Variants in PRSS36 observed in about 807,000 individuals in gnomAD.
PRSS36 encodes polyserase-2.
A neutral mutation model predicts 94.3 loss-of-function variants in PRSS36; 90 were observed. That is an observed-to-expected ratio of 0.95 (90% CI 0.80 to 1.14). PRSS36 has a LOEUF of 1.14. PRSS36 is among the 50% of genes most tolerant of loss of function. The probability of loss-of-function intolerance (pLI) is 0.00; values close to 1 mark genes in which losing one functional copy is unlikely to be tolerated. For missense variants in PRSS36, 1,158 were observed against 1,135.0 expected, an observed-to-expected ratio of 1.02 and a Z score of -0.29; for synonymous variants, 500 against 489.6, an observed-to-expected ratio of 1.02 and a Z score of -0.28.
At position 31,143,394 on chromosome 16, in the gene PRSS36, C is replaced by G; in HGVS notation, c.1048G>C (p.Gly350Arg). The G allele has an allele frequency of 6.2e-7, 1 of 1,612,822 alleles. No individual in the cohort carries two copies. Among genetic ancestry groups the G allele is most frequent in the Non-Finnish European group, 8.5e-7 (1 of 1,179,612 alleles). The change falls in exon 8 of 15, where the codon GGG (glycine) becomes CGG (arginine). Residue 350 changes from glycine (G) to arginine (R), a missense_variant. By Grantham distance (125) the Gly-to-Arg change is moderately radical. Transcript: ENST00000268281. ...ACCCAGCTTTCAGACACCAGCGCCC[C>G]ATGGCAGGGTCTGGATCCTGGCACC... The part of the protein sequence containing the change: ...VMVPGSRPCH[G>R]ALVSESWVLA...
At position 31,141,905 on chromosome 16, in the gene PRSS36, C is replaced by G. The variant is rs1791888295; in HGVS notation, c.1577G>C (p.Gly526Ala). Reference protein sequence around the residue: ...CQEEGTWFLAGIRDFPSGCLR... With the variant: ...CQEEGTWFLAAIRDFPSGCLR... ...ACAGCCACTGGGAAAGTCTCTGATT[C>G]CAGCCAGAAACCAGGTCCCCTCCTC... The change falls in exon 11 of 15, where the codon GGA becomes GCA. Residue 526 changes from glycine (G) to alanine (A), a missense_variant. Gly to Ala is a moderately conservative substitution (Grantham distance 60, BLOSUM62 0). Coordinates refer to ENST00000268281, the MANE Select transcript of PRSS36 (RefSeq NM_173502.5). 2.5e-6 allele frequency: 4 copies of G among 1,614,174 alleles called. No homozygotes were observed. The highest frequency in any genetic ancestry group is 3.4e-6 in the Non-Finnish European group (4 of 1,180,026).
intron 7 of PRSS36, 31 bp from the exon 8 acceptor site, chr16:31,143,502 C>T (rs1326993226): frequency 1.2e-6 from 2 of 1,603,584 alleles, no homozygotes; most frequent in African/African-American, 1.3e-5. Context: ...GTCAGTGGGC[C>T]TCCTGCAACC....
Position 31,148,471 on chromosome 16 carries a change from GCAGA to G in PRSS36, c.473_476del (p.Val158AlafsTer40), listed in dbSNP as rs1388267792. The G allele has an allele frequency of 6.3e-7, 1 of 1,575,996 alleles. No homozygotes were observed. The highest frequency in any genetic ancestry group is 1.8e-5 in the Admixed American group (1 of 56,690). ...CGAAGCGGTGTGAGGCGCGGGGCAG[GCAGA>G]CAGGCCACACGGCGGGGCCCAGGCT... On this transcript the variant is annotated frameshift_variant, in exon 5 of 15. Coordinates refer to ENST00000268281, the MANE Select transcript of PRSS36 (RefSeq NM_173502.5). LOFTEE classifies it high-confidence loss of function.
At chr16:31,142,444 G>C (rs1390980415) in intron 10 of PRSS36, 37 bp downstream of exon 10, 3 of 1,409,878 alleles carry the variant, frequency 2.1e-6, no homozygotes, top group East Asian at 2.7e-5. Flanking sequence ...GAGCCCTCTC[G>C]GGCCCGCGTT....
chr16:31,143,391 C>A lies in PRSS36; in HGVS notation c.1051G>T (p.Ala351Ser). The change falls in exon 8 of 15, where the codon GCG becomes TCG. Residue 351 changes from alanine (A) to serine (S), a missense_variant. By Grantham distance (99) the Ala-to-Ser change is moderately conservative. Coordinates refer to ENST00000268281, the MANE Select transcript of PRSS36 (RefSeq NM_173502.5). ...AAGACCCAGCTTTCAGACACCAGCG[C>A]CCCATGGCAGGGTCTGGATCCTGGC... The part of the protein sequence containing the change: ...MVPGSRPCHG[A>S]LVSESWVLAP... 2 of 1,612,728 alleles carry A rather than the reference C, an allele frequency of 1.2e-6. No homozygotes were observed. The highest frequency in any genetic ancestry group is 1.7e-6 in the Non-Finnish European group (2 of 1,179,574).
chr16:31,143,664 G>C lies in PRSS36; in HGVS notation c.894C>G (p.Ala298=). ...GGGTCTTCTGGGGCTGGGTGGGAAA[G>C]GCAGGCCCAGGCTCTGAACCCATCA... ...EQVMGSEPGP[A]FPTQPQKTQS... is the part of the protein sequence containing the mutation. Residue 298 remains alanine (A), a synonymous_variant, in exon 7 of 15, where the codon GCC becomes GCG. Coordinates refer to ENST00000268281, the MANE Select transcript of PRSS36 (RefSeq NM_173502.5). 6.2e-7 allele frequency: 1 copy of C among 1,614,224 alleles called. No individual in the cohort carries two copies. Among genetic ancestry groups the C allele is most frequent in the Non-Finnish European group, 8.5e-7 (1 of 1,180,038 alleles).
chr16:31,140,825 G>A, intron 12 of PRSS36, 68 bp from the exon 13 acceptor site: 2 of 1,561,318 alleles, frequency 1.3e-6, no homozygotes, highest in African/African-American at 1.3e-5. Flanking sequence ...CCCAGCCCAG[G>A]GGAAGGATGA....
Position 31,142,509 on chromosome 16 carries a change from TG to T in PRSS36, c.1492del (p.Gln498ArgfsTer56). 1 of 1,497,316 alleles carries T rather than the reference TG, an allele frequency of 6.7e-7. No homozygotes were observed. Among genetic ancestry groups the T allele is most frequent in the Admixed American group, 2.2e-5 (1 of 44,750 alleles). 92.8% of individuals were successfully genotyped at this position (1,497,316 alleles called of 1,614,324 possible). On this transcript the variant is annotated frameshift_variant, in exon 10 of 15. Transcript: ENST00000268281. LOFTEE classifies it high-confidence loss of function. ...DPPHALCPAY[Q>X]EKEEVGSCWN... ...GCAGCTGCCCACCTCCTCCTTTTCC[TG>T]GTAGGCAGGGCAGAGCGCGTGCGGC...
intron 10 of PRSS36, 112 bp downstream of exon 10, chr16:31,142,369 G>A (rs533969773): frequency 1.7e-6 from 2 of 1,192,594 alleles, no homozygotes; most frequent in Non-Finnish European, 2.2e-6. Context: ...CCCGCCTTCC[G>A]CAGGCCCCGC....
Position 31,148,649 on chromosome 16 carries a change from T to A in PRSS36, c.299A>T (p.Glu100Val). Residue 100 changes from glutamate to valine, a missense_variant, in exon 5 of 15, where the codon GAG (glutamate) becomes GTG (valine). Transcript: ENST00000268281. ...GTGCACGCCCAGCAGTACCGACCAC[T>A]CGGCCGCGGGCTCCAGCGTCCCATT... ...MTNGTLEPAA[E>V]WSVLLGVHSQ... 1 of 1,612,506 alleles carries A rather than the reference T, an allele frequency of 6.2e-7. No homozygotes were observed. The highest frequency in any genetic ancestry group is 1.7e-5 in the Admixed American group (1 of 59,972).
chr16:31,149,824 TC>T (rs2057871102), intron 1 of PRSS36, 93 bp from the exon 2 acceptor site: 1 of 1,585,350 alleles, frequency 6.3e-7, no homozygotes. Context: ...AGCCTCCGTC[TC>T]CCCAGGGCAC....
chr16:31,141,581 C>A lies in PRSS36; in HGVS notation c.1789G>T (p.Val597Leu), dbSNP rs897815907. The change falls in exon 12 of 15, where the codon GTG becomes TTG. Residue 597 changes from valine (V) to leucine (L), a missense_variant. Coordinates refer to ENST00000268281, the MANE Select transcript of PRSS36 (RefSeq NM_173502.5). ...ACGLRLEAAP[V>L]GVLWPWLAEV... is the part of the protein sequence containing the mutation. ...GCCAGCCAGGGCCACAGGACCCCCA[C>A]TGGAGCAGCCTCCAGCCGCAGGCCA... The A allele has an allele frequency of 6.8e-6, 11 of 1,613,276 alleles. No individual in the cohort carries two copies. The highest frequency in any genetic ancestry group is 2.7e-5 in the African/African-American group (2 of 74,926).
intron 6 of PRSS36, among the ~76,000 whole-genome samples, chr16:31,145,417 TTAAATAAA>T (rs1163392340): frequency 7.7e-6 from 1 of 129,444 alleles, no homozygotes; most frequent in Non-Finnish European, 1.7e-5. Flanking sequence ...AAAAAATAAA[TTAAATAAA>T]TAAATAAATA....
intron 4 of PRSS36, 119 bp from the exon 5 acceptor site, chr16:31,148,794 A>T (rs1203633447): frequency 7.3e-7 from 1 of 1,373,618 alleles, no homozygotes. Context: ...TTTGGTGCTG[A>T]TACTCCTCAA....
In PRSS36 at chr16:31,142,734, C is replaced by A. The variant is rs1420260286; in HGVS notation, c.1357+3G>T. 1 of 1,364,706 alleles carries A rather than the reference C, an allele frequency of 7.3e-7. No homozygotes were observed. Among genetic ancestry groups the A allele is most frequent in the Non-Finnish European group, 9.5e-7 (1 of 1,056,852 alleles). 84.5% of individuals were successfully genotyped at this position (1,364,706 alleles called of 1,614,324 possible). A position where few individuals can be genotyped will look rare whatever the true frequency, so the allele number is the denominator to read the frequency against. ...CCCGGCCCAGCGCCGGTCCCCAGCT[C>A]ACCCCCGCGGCCCCAGCGGGCCAGG... On this transcript the variant is annotated splice_donor_region_variant and intron_variant, in intron 9 of 14. Coordinates refer to ENST00000268281, the MANE Select transcript of PRSS36 (RefSeq NM_173502.5).
Position 31,143,363 on chromosome 16 carries a change from G to T in PRSS36, c.1079C>A (p.Ala360Glu), listed in dbSNP as rs1294860401. 1 of 1,607,334 alleles carries T rather than the reference G, an allele frequency of 6.2e-7. No homozygotes were observed. Among genetic ancestry groups the T allele is most frequent in the East Asian group, 2.2e-5 (1 of 44,830 alleles). The part of the protein sequence containing the change: ...GALVSESWVL[A>E]PASCFLDPNS... ...TCACTCCAGAAAGCAGCTGGCAGGTGCCAAGACCCAGCTTTCAGACACCAG... is the reference window on the plus strand; with the variant it reads ...TCACTCCAGAAAGCAGCTGGCAGGTTCCAAGACCCAGCTTTCAGACACCAG... Residue 360 changes from alanine to glutamate, a missense_variant, in exon 8 of 15, where the codon GCA becomes GAA. Coordinates refer to ENST00000268281, the MANE Select transcript of PRSS36 (RefSeq NM_173502.5).
chr16:31,141,875 C>T lies in PRSS36; in HGVS notation c.1607G>A (p.Arg536His). The change falls in exon 11 of 15, where the codon CGT (arginine) becomes CAT (histidine). Residue 536 changes from arginine to histidine, a missense_variant. Arg to His is a conservative substitution (Grantham distance 29). Coordinates refer to ENST00000268281, the MANE Select transcript of PRSS36 (RefSeq NM_173502.5). ...CTGCAGAGGGAAGAAGGCTCGGGGA[C>T]GTAGACAGCCACTGGGAAAGTCTCT... ...GIRDFPSGCL[R>H]PRAFFPLQTH... 2.5e-6 allele frequency: 4 copies of T among 1,614,158 alleles called. No homozygotes were observed. Among genetic ancestry groups the T allele is most frequent in the South Asian group, 1.1e-5 (1 of 91,090 alleles).
rs891142374 is a variant in PRSS36 at position 31,139,184 on chromosome 16, T to C, written c.2522A>G (p.His841Arg). ...CAGCAGGAGCAGGAAGTAGACTGCATGCGGGGATCCCGAGGCCTTGGCCAG... is the reference window on the plus strand; with the variant it reads ...CAGCAGGAGCAGGAAGTAGACTGCACGCGGGGATCCCGAGGCCTTGGCCAG... ...PELAKASGSP[H>R]AVYFLLLLTL... Residue 841 changes from histidine to arginine, a missense_variant, in exon 15 of 15, where the codon CAT becomes CGT. Transcript: ENST00000268281. 2 of 1,603,932 alleles carry C rather than the reference T, an allele frequency of 1.2e-6. No individual in the cohort carries two copies. The highest frequency in any genetic ancestry group is 1.7e-6 in the Non-Finnish European group (2 of 1,173,592).
At chr16:31,143,897 G>T (rs2057758607) in intron 6 of PRSS36, 60 bp from the exon 7 acceptor site, 1 of 1,597,744 alleles carries the variant, frequency 6.3e-7, no homozygotes, top group Admixed American at 1.7e-5. Context: ...AAAAGGTCCT[G>T]CACCTCCTTT....
Sources: gnomAD v4.1 joint callset for allele counts (sites outside exome capture counted in the v4.1 genomes callset) on GRCh38, gnomAD v4.1.1 for gene constraint, MANE v1.5 for transcripts, NCBI Gene and HGNC (gene_info 2026-07-23, HGNC 2026-07-21) for gene names.